The following RAD54B variants were observed in gnomAD, a reference collection of about 807,000 sequenced individuals.
The protein encoded by RAD54B is RAD54 homolog B.
Under a neutral mutation model 95.8 loss-of-function variants are expected in RAD54B, and 78 were observed. The observed-to-expected ratio is 0.81, with a 90% CI of 0.68 to 0.98. The LOEUF is 0.98. Among genes scored for constraint, RAD54B ranks in the 50% least tolerant of loss-of-function variants. The pLI, the probability that RAD54B is intolerant of heterozygous loss-of-function variation, is 0.00. For synonymous variants in RAD54B, 328 were observed against 354.9 expected (o/e 0.92, Z 0.85); for missense variants, 957 against 1,056.6 (o/e 0.91, Z 1.31).
intron 2 of RAD54B, among the ~76,000 whole-genome samples, chr8:94,463,268 TAAA>T (rs537405630): frequency 2.4e-5 from 3 of 123,506 alleles, no homozygotes; most frequent in Admixed American, 8.3e-5. Flanking sequence ...GACTTCACCT[TAAA>T]AAAAAAAAAA....
At chr8:94,444,776 C>CGCTA (rs1812482065) in intron 3 of RAD54B, among the ~76,000 whole-genome samples, 1 of 151,628 alleles carries the variant, frequency 6.6e-6, no homozygotes, top group South Asian at 2.1e-4. Context: ...TTTCTTAGAG[C>CGCTA]ACTAAGAAGA....
intron 3 of RAD54B, among the ~76,000 whole-genome samples, chr8:94,439,170 G>C (rs1043299752): frequency 6.6e-5 from 10 of 152,140 alleles, no homozygotes; most frequent in Non-Finnish European, 1.2e-4. Flanking sequence ...ACTGAAGGGA[G>C]TGTAAAATGA....
chr8:94,461,693 T>C (rs1310403342), intron 2 of RAD54B, among the ~76,000 whole-genome samples: 1 of 152,156 alleles, frequency 6.6e-6, no homozygotes, highest in Non-Finnish European at 1.5e-5. Context: ...TATTAACCAT[T>C]GGTTTACATT....
chr8:94,411,450 C>T, intron 3 of RAD54B, 135 bp from the exon 4 acceptor site: 2 of 654,792 alleles, frequency 3.1e-6, no homozygotes, highest in Admixed American at 3.7e-5. Flanking sequence ...TTTGATCATA[C>T]TCATGTTAGC....
At chr8:94,401,041 ATAT>A (rs1216055806) in intron 6 of RAD54B, among the ~76,000 whole-genome samples, 5 of 152,328 alleles carry the variant, frequency 3.3e-5, no homozygotes, top group South Asian at 4.1e-4. Context: ...GTTATTAGAG[ATAT>A]TATTAGTAAG....
intron 8 of RAD54B, among the ~76,000 whole-genome samples, chr8:94,397,128 A>C (rs1010138623): frequency 5.3e-5 from 8 of 152,186 alleles, no homozygotes; most frequent in African/African-American, 9.6e-5. Context: ...TTTCCAGTAA[A>C]TATTAACTCC....
At chr8:94,390,296 T>A (rs1042194323) in intron 10 of RAD54B, among the ~76,000 whole-genome samples, 9 of 150,718 alleles carry the variant, frequency 6.0e-5, no homozygotes, top group Admixed American at 2.0e-4. Flanking sequence ...GGTCAGGAGT[T>A]CGAGACCAGC....
At chr8:94,417,280 GTTTC>G (rs1265810554) in intron 3 of RAD54B, among the ~76,000 whole-genome samples, 1 of 152,016 alleles carries the variant, frequency 6.6e-6, no homozygotes, top group South Asian at 2.1e-4. Flanking sequence ...AAGGTAAAAA[GTTTC>G]TTTCTGAGGT....
At chr8:94,395,106 T>A (rs534606145) in intron 8 of RAD54B, among the ~76,000 whole-genome samples, 10 of 152,234 alleles carry the variant, frequency 6.6e-5, no homozygotes, top group Admixed American at 3.3e-4. Context: ...GGTAGAAGGA[T>A]CACTGTGGTT....
At chr8:94,453,906 C>T (rs987008816) in intron 3 of RAD54B, among the ~76,000 whole-genome samples, 1 of 152,086 alleles carries the variant, frequency 6.6e-6, no homozygotes, top group Non-Finnish European at 1.5e-5. Flanking sequence ...ATTCTCTGGC[C>T]TCAGCCTCCC....
At chr8:94,431,695 A>T in intron 3 of RAD54B, 1 of 984,382 alleles carries the variant, frequency 1.0e-6, no homozygotes, top group South Asian at 4.7e-5. Context: ...AGATAAAAGC[A>T]TAAAAACCAA....
At chr8:94,439,916 T>C (rs1264489965) in intron 3 of RAD54B, among the ~76,000 whole-genome samples, 4 of 152,186 alleles carry the variant, frequency 2.6e-5, no homozygotes, top group Non-Finnish European at 5.9e-5. Context: ...TGGCTCTTAC[T>C]TGATTATCTC....
chr8:94,402,917 A>G (rs1176802715), intron 6 of RAD54B, among the ~76,000 whole-genome samples: 47 of 152,198 alleles, frequency 3.1e-4, no homozygotes. Context: ...AATATTTAGG[A>G]GGTTAAAATA....
Position 94,386,966 on chromosome 8 carries a change from T to G in RAD54B, c.1985+18A>C, listed in dbSNP as rs1810902782. On this transcript the variant is annotated intron_variant, in intron 11 of 14. Coordinates refer to ENST00000336148, the MANE Select transcript of RAD54B (RefSeq NM_012415.3). ...TAAAACTCTATGAGCACTTATAAGT[T>G]TGTTAAATCGATCTTACTTTTCAGT... is the stretch of plus-strand genomic sequence containing the variant. 3.2e-6 allele frequency: 5 copies of G among 1,570,924 alleles called. No individual in the cohort carries two copies. Among genetic ancestry groups the G allele is most frequent in the Non-Finnish European group, 4.3e-6 (5 of 1,160,652 alleles).
intron 3 of RAD54B, 115 bp from the exon 4 acceptor site, chr8:94,411,430 TGAAAG>T: frequency 2.6e-6 from 2 of 776,980 alleles, no homozygotes; most frequent in Non-Finnish European, 3.9e-6. Flanking sequence ...AGAAATAGTA[TGAAAG>T]AATATTTGAT....
chr8:94,455,510 GA>G (rs1438594638), intron 3 of RAD54B, among the ~76,000 whole-genome samples: 1 of 152,146 alleles, frequency 6.6e-6, no homozygotes, highest in Non-Finnish European at 1.5e-5. Context: ...GAATGAGAAA[GA>G]ATCAGAAAGA....
chr8:94,397,708 ATATTT>A (rs1811180787), intron 8 of RAD54B, among the ~76,000 whole-genome samples: 1 of 152,120 alleles, frequency 6.6e-6, no homozygotes, highest in Non-Finnish European at 1.5e-5. Flanking sequence ...ACTTTTCAGT[ATATTT>A]TATTTCTCAC....
Position 94,433,219 on chromosome 8 carries a change from C to T in RAD54B, c.305-21904G>A, listed in dbSNP as rs1011929953. On this transcript the variant is annotated intron_variant, in intron 3 of 14. Coordinates refer to ENST00000336148, the MANE Select transcript of RAD54B (RefSeq NM_012415.3). ...TATGGCTTTGGGATATGCTCAACTA[C>T]TGGAGGTTATCCTAACTTTCTTATT... Among the ~76,000 whole-genome samples the T allele has an allele frequency of 3.3e-5, 5 of 152,196 alleles. 1 individual carries two copies. The highest frequency in any genetic ancestry group is 6.8e-3 in the Middle Eastern group (2 of 294).
At chr8:94,411,655 T>A (rs1336703945) in intron 3 of RAD54B, among the ~76,000 whole-genome samples, 1 of 151,980 alleles carries the variant, frequency 6.6e-6, no homozygotes, top group Non-Finnish European at 1.5e-5. Flanking sequence ...ATATCTAAAA[T>A]CACATTTTGA....
Sources: gnomAD v4.1 joint callset for allele counts (sites outside exome capture counted in the v4.1 genomes callset) on GRCh38, gnomAD v4.1.1 for gene constraint, MANE v1.5 for transcripts, NCBI Gene and HGNC (gene_info 2026-07-23, HGNC 2026-07-21) for gene names.